Variants in NUDT11 observed in about 807,000 individuals in gnomAD.
The protein encoded by NUDT11 is diphosphoinositol polyphosphate phosphohydrolase 3-beta.
Under a neutral mutation model 10.0 loss-of-function variants are expected in NUDT11, and 1 was observed. The ratio of observed to expected loss-of-function variants is 0.10; its 90% confidence interval spans 0.04 to 0.47. The LOEUF (loss-of-function observed/expected upper bound fraction) is 0.47. Ranked by LOEUF, NUDT11 falls within the 20% of genes least tolerant of loss-of-function variation. The pLI is 0.96. For missense variants in NUDT11, 47 were observed against 140.4 expected, an observed-to-expected ratio of 0.33 and a Z score of 3.36; for synonymous variants, 63 against 65.9, an observed-to-expected ratio of 0.96 and a Z score of 0.21.
rs1351225491 is a variant in NUDT11, at chrX:51,495,493, CCAAA to C, written c.494+454_494+457del. 7.1e-5 allele frequency among the ~76,000 whole-genome samples: 8 copies of C among 111,968 alleles called. 1 individual carries two copies. Among genetic ancestry groups the C allele is most frequent in the African/African-American group, 2.6e-4 (8 of 30,744 alleles). On this transcript the variant is annotated intron_variant, in intron 1 of 1. Coordinates refer to ENST00000375992, the MANE Select transcript of NUDT11 (RefSeq NM_018159.4). The stretch of plus-strand genomic sequence containing the variant: ...GGTCAGACTTTAAAGGCCTCCACTA[CCAAA>C]CAAACCACAAGGCTGGTATCAAAAA...
chrX:51,496,408 G>A lies in NUDT11; in HGVS notation c.37C>T (p.Pro13Ser), dbSNP rs1187212279. 8.3e-7 allele frequency: 1 copy of A among 1,206,485 alleles called. No individual in the cohort carries two copies. The highest frequency in any genetic ancestry group is 1.1e-6 in the Non-Finnish European group (1 of 894,028). ...GCCGCCCGCTTCTTGAACCCCTCGG[G>A]GTCGTAGGTCCGCGTCTGGTTGGGT... is the stretch of plus-strand genomic sequence containing the variant. The part of the protein sequence containing the change: ...CKPNQTRTYD[P>S]EGFKKRAACL... The change falls in exon 1 of 2, where the codon CCC becomes TCC. Residue 13 changes from proline to serine, a missense_variant. Coordinates refer to ENST00000375992, the MANE Select transcript of NUDT11 (RefSeq NM_018159.4).
chrX:51,492,644 G>C (rs1353909453), intron 1 of NUDT11, among the ~76,000 whole-genome samples: 1 of 111,450 alleles, frequency 9.0e-6, no homozygotes, highest in Non-Finnish European at 1.9e-5. Context: ...CAAAGTACTG[G>C]GATTACAGGT....
chrX:51,495,913 G>A (rs1304305830), intron 1 of NUDT11, 38 bp downstream of exon 1: 3 of 1,200,118 alleles, frequency 2.5e-6, no homozygotes, highest in Non-Finnish European at 3.4e-6. Flanking sequence ...AAGCGAGGCA[G>A]ACAAATAGAA....
chrX:51,490,047 A>T lies in NUDT11; in HGVS notation c.*1702T>A, dbSNP rs917374666. On this transcript the variant is annotated 3_prime_UTR_variant, in exon 2 of 2. Transcript: ENST00000375992. ...ATTTTTATTATGGAAAATTTCAAACATATACAAAAGTATAGAGAATAGTAT... is the reference window on the plus strand; with the variant it reads ...ATTTTTATTATGGAAAATTTCAAACTTATACAAAAGTATAGAGAATAGTAT... 1 of 111,921 alleles carries T rather than the reference A, an allele frequency of 8.9e-6. No individual in the cohort carries two copies. Among genetic ancestry groups the T allele is most frequent in the Admixed American group, 9.5e-5 (1 of 10,525 alleles). The allele number at this position is 111,921 out of a possible 1,213,427, so 9.2% of individuals were successfully genotyped here.
chrX:51,492,374 T>C (rs1480353477), intron 1 of NUDT11, among the ~76,000 whole-genome samples: 1 of 109,847 alleles, frequency 9.1e-6, no homozygotes, highest in Non-Finnish European at 1.9e-5. Context: ...TCACTCTTTT[T>C]TTTTTTTTTT....
chrX:51,495,908 A>T, intron 1 of NUDT11, 43 bp downstream of exon 1: 1 of 1,199,005 alleles, frequency 8.3e-7, no homozygotes, highest in Middle Eastern at 2.3e-4. Flanking sequence ...ATTTTAAGCG[A>T]GGCAGACAAA....
chrX:51,493,582 G>A (rs1424287476), intron 1 of NUDT11, among the ~76,000 whole-genome samples: 8 of 111,620 alleles, frequency 7.2e-5, no homozygotes, highest in African/African-American at 1.9e-4. Flanking sequence ...CTGTACTAAT[G>A]CTTTTAACTT....
At chrX:51,492,406 G>A (rs782298173) in intron 1 of NUDT11, among the ~76,000 whole-genome samples, 91 of 102,983 alleles carry the variant, frequency 8.8e-4, no homozygotes, top group African/African-American at 3.2e-3. Flanking sequence ...TCACTCTGTC[G>A]CCCAGGCTGG....
chrX:51,492,623 C>T (rs1188838039), intron 1 of NUDT11, among the ~76,000 whole-genome samples: 1 of 111,773 alleles, frequency 8.9e-6, no homozygotes. Flanking sequence ...GATCTGCCCA[C>T]CTCGACCTCC....
Position 51,491,500 on chromosome X carries a change from A to C in NUDT11, c.*249T>G. 2.9e-6 allele frequency: 1 copy of C among 339,762 alleles called. No individual in the cohort carries two copies. The highest frequency in any genetic ancestry group is 5.1e-6 in the Non-Finnish European group (1 of 195,607). The allele number at this position is 339,762 out of a possible 1,213,427, so 28.0% of individuals were successfully genotyped here. The stretch of plus-strand genomic sequence containing the variant: ...AGACATCATAGTCTAATGAAGGCAG[A>C]CACATCAAAAAAGCACAACAAAAGG... On this transcript the variant is annotated 3_prime_UTR_variant, in exon 2 of 2. Coordinates refer to ENST00000375992, the MANE Select transcript of NUDT11 (RefSeq NM_018159.4).
Position 51,491,398 on chromosome X carries a change from T to G in NUDT11, c.*351A>C, listed in dbSNP as rs1240793860. The G allele has an allele frequency of 5.1e-6, 1 of 195,489 alleles. No individual in the cohort carries two copies. Among genetic ancestry groups the G allele is most frequent in the East Asian group, 9.4e-5 (1 of 10,610 alleles). The allele number at this position is 195,489 out of a possible 1,213,427, so 16.1% of individuals were successfully genotyped here. A position where few individuals can be genotyped will look rare whatever the true frequency, so the allele number is the denominator to read the frequency against. ...ATTAATTGAATCAAAGAACCTTCAG[T>G]GATGCCAACCATATTTCAAGTAGTG... On this transcript the variant is annotated 3_prime_UTR_variant, in exon 2 of 2. Coordinates refer to ENST00000375992, the MANE Select transcript of NUDT11 (RefSeq NM_018159.4).
chrX:51,492,196 T>C (rs868989524), intron 1 of NUDT11, among the ~76,000 whole-genome samples: 4 of 111,750 alleles, frequency 3.6e-5, no homozygotes, highest in Non-Finnish European at 7.5e-5. Flanking sequence ...AGGCTTCTCA[T>C]TGGAGATGTT....
intron 1 of NUDT11, 136 bp downstream of exon 1, chrX:51,495,815 G>A (rs1925689591): frequency 1.0e-6 from 1 of 956,766 alleles, no homozygotes; most frequent in Non-Finnish European, 1.4e-6. Context: ...GCGTGATTCA[G>A]AGGGTCTGCC....
chrX:51,494,399 A>G (rs1925657842), intron 1 of NUDT11, among the ~76,000 whole-genome samples: 1 of 112,104 alleles, frequency 8.9e-6, no homozygotes, highest in Non-Finnish European at 1.9e-5. Flanking sequence ...TGCAGAAAAT[A>G]TTTTGAGAAA....
At chrX:51,492,025 C>T (rs1316127891) in intron 1 of NUDT11, among the ~76,000 whole-genome samples, 1 of 111,851 alleles carries the variant, frequency 8.9e-6, no homozygotes, top group Non-Finnish European at 1.9e-5. Flanking sequence ...ATCCTAAATT[C>T]CATGTTACAG....
Position 51,491,258 on chromosome X carries a change from A to C in NUDT11, c.*491T>G, listed in dbSNP as rs1351852265. ...CCTCAAACATCTTACAACTGTCTTGAAATATTTCTGAAACACCTGATACAC... is the reference window on the plus strand; with the variant it reads ...CCTCAAACATCTTACAACTGTCTTGCAATATTTCTGAAACACCTGATACAC... On this transcript the variant is annotated 3_prime_UTR_variant, in exon 2 of 2. Coordinates refer to ENST00000375992, the MANE Select transcript of NUDT11 (RefSeq NM_018159.4). 8.8e-6 allele frequency: 1 copy of C among 114,276 alleles called. No individual in the cohort carries two copies. Among genetic ancestry groups the C allele is most frequent in the Non-Finnish European group, 1.8e-5 (1 of 54,637 alleles). 9.4% of individuals were successfully genotyped at this position (114,276 alleles called of 1,213,427 possible).
At chrX:51,493,175 TTAA>T (rs1557326347) in intron 1 of NUDT11, among the ~76,000 whole-genome samples, 1 of 112,443 alleles carries the variant, frequency 8.9e-6, no homozygotes, top group African/African-American at 3.2e-5. Context: ...TGCATCTATA[TTAA>T]TGTTTCCTCT....
rs782621728 is a variant in NUDT11, at chrX:51,491,678, G to C, written c.*71C>G. On this transcript the variant is annotated 3_prime_UTR_variant, in exon 2 of 2. Coordinates refer to ENST00000375992, the MANE Select transcript of NUDT11 (RefSeq NM_018159.4). ...AACACAGAAGTGCTCACCTGTACTT[G>C]ACAATTCCACTGATCACTGGGTTCA... 2.5e-5 allele frequency: 14 copies of C among 567,160 alleles called. No homozygotes were observed. Among genetic ancestry groups the C allele is most frequent in the Non-Finnish European group, 3.9e-5 (12 of 308,355 alleles). 46.7% of individuals were successfully genotyped at this position (567,160 alleles called of 1,213,427 possible).
intron 1 of NUDT11, among the ~76,000 whole-genome samples, chrX:51,492,869 C>A (rs926409345): frequency 3.6e-5 from 4 of 112,406 alleles, no homozygotes; most frequent in African/African-American, 9.7e-5. Context: ...GTGGCTCCCC[C>A]ACAAGGGAAT....
Sources: allele counts gnomAD v4.1 joint callset (sites outside exome capture counted in the v4.1 genomes callset), GRCh38; gene constraint gnomAD v4.1.1; transcripts MANE v1.5; gene names NCBI Gene and HGNC (gene_info 2026-07-23, HGNC 2026-07-21).